CREB3L2: variants seen among roughly 807,000 people sequenced by gnomAD.
CREB3L2 encodes the protein cAMP responsive element binding protein 3 like 2.
Under a neutral mutation model 57.2 loss-of-function variants are expected in CREB3L2, and 23 were observed. The ratio of observed to expected loss-of-function variants is 0.40; its 90% CI spans 0.29 to 0.57. The LOEUF (loss-of-function observed/expected upper bound fraction) is 0.57, where lower values mean the gene tolerates loss of function less well. Ranked by LOEUF, CREB3L2 falls within the 20% of genes least tolerant of loss-of-function variation. CREB3L2 has a pLI of 0.42. For synonymous variants in CREB3L2, 268 were observed against 265.1 expected, an observed-to-expected ratio of 1.01 and a Z score of -0.11; for missense variants, 628 against 634.7, an observed-to-expected ratio of 0.99 and a Z score of 0.11.
At chr7:137,892,979 T>C (rs2060569688) in intron 8 of CREB3L2, among the ~76,000 whole-genome samples, 1 of 152,192 alleles carries the variant, frequency 6.6e-6, no homozygotes, top group Non-Finnish European at 1.5e-5. Flanking sequence ...AAGACAACCA[T>C]ATCAGCTCAA....
chr7:137,964,085 C>T (rs1258337093), intron 1 of CREB3L2, among the ~76,000 whole-genome samples: 1 of 152,120 alleles, frequency 6.6e-6, no homozygotes, highest in Non-Finnish European at 1.5e-5. Flanking sequence ...GAGGTCGTGG[C>T]GGGCGGATCA....
In CREB3L2 at chr7:137,953,310, T is replaced by C. The variant is rs12671686; in HGVS notation, c.103-24944A>G. 9.1e-5 allele frequency: 36 copies of C among 393,786 alleles called. No homozygotes were observed. The East Asian group carries it at 1.1e-3, about 12-fold the overall frequency. The allele number at this position is 393,786 out of a possible 1,614,324, so 24.4% of individuals were successfully genotyped here. ...GTTTCACTGAAAACCTGCTTACCGC[T>C]TAGTTGATTAACTGCTACTCCACAT... On this transcript the variant is annotated intron_variant, in intron 1 of 11. Coordinates refer to ENST00000330387, the MANE Select transcript of CREB3L2 (RefSeq NM_194071.4).
intron 1 of CREB3L2, chr7:137,957,724 C>A (rs1801243742): frequency 3.1e-6 from 4 of 1,277,040 alleles, no homozygotes; most frequent in Non-Finnish European, 4.1e-6. Flanking sequence ...ACAGGCTTCA[C>A]AAGTTTTCTT....
In CREB3L2 at chr7:138,001,687, C is replaced by G. The variant is rs1169393605; in HGVS notation, c.19G>C (p.Gly7Arg). 1.7e-5 allele frequency: 27 copies of G among 1,611,700 alleles called. No homozygotes were observed. Among genetic ancestry groups the G allele is most frequent in the Non-Finnish European group, 2.2e-5 (26 of 1,179,658 alleles). Residue 7 changes from glycine to arginine, a missense_variant, in exon 1 of 12, where the codon GGG becomes CGG. Gly to Arg is a moderately radical substitution (Grantham distance 125). Around this residue, in one of 3 missense-constraint regions of CREB3L2, gnomAD observed 339 missense variants for 355.4 expected, o/e 0.95. Coordinates refer to ENST00000330387, the MANE Select transcript of CREB3L2 (RefSeq NM_194071.4). This position sits in a 1 kb window ranked among gnomAD's most constrained non-coding sequence, Gnocchi z 4.2. MEVLES[G>R]EQGVLQWDRK... ...TCCCACTGCAGCACGCCCTGCTCCC[C>G]GCTCTCCAGCACCTCCATGGCGGTG...
intron 2 of CREB3L2, among the ~76,000 whole-genome samples, chr7:137,922,382 A>ATATGTATG (rs1339365374): frequency 3.9e-5 from 4 of 102,790 alleles, no homozygotes; most frequent in African/African-American, 3.1e-4. Context: ...ATATATATAT[A>ATATGTATG]TGTATATATA....
At chr7:137,883,047 T>C (rs914854762) in intron 10 of CREB3L2, among the ~76,000 whole-genome samples, 1 of 152,116 alleles carries the variant, frequency 6.6e-6, no homozygotes, top group Non-Finnish European at 1.5e-5. Flanking sequence ...GTACAGGGCA[T>C]CTCATTTAGA....
intron 1 of CREB3L2, among the ~76,000 whole-genome samples, chr7:137,943,654 A>G (rs917917596): frequency 1.1e-4 from 16 of 152,214 alleles, no homozygotes; most frequent in African/African-American, 3.9e-4. Context: ...ATTCAGGGCC[A>G]TAGTTTCATG....
chr7:137,905,613 A>T, intron 6 of CREB3L2, 89 bp downstream of exon 6: 1 of 1,351,932 alleles, frequency 7.4e-7, no homozygotes, highest in Non-Finnish European at 1.1e-6. Context: ...GGGATGGGGT[A>T]GTGCTGGCCG....
chr7:137,977,886 A>C (rs941767155), intron 1 of CREB3L2, among the ~76,000 whole-genome samples: 1 of 151,136 alleles, frequency 6.6e-6, no homozygotes, highest in Non-Finnish European at 1.5e-5. Flanking sequence ...ATGCCACTGC[A>C]CTCCAGCCTG....
chr7:137,897,333 G>C (rs1385748760), intron 8 of CREB3L2, among the ~76,000 whole-genome samples: 1 of 152,184 alleles, frequency 6.6e-6, no homozygotes, highest in Non-Finnish European at 1.5e-5. Flanking sequence ...ACAGCAGACT[G>C]TCAGGGAAGG....
intron 1 of CREB3L2, chr7:137,955,347 C>A: frequency 7.8e-7 from 1 of 1,284,860 alleles, no homozygotes; most frequent in South Asian, 1.2e-5. Flanking sequence ...GTAAGCACCA[C>A]AGGATGGGGG....
intron 8 of CREB3L2, among the ~76,000 whole-genome samples, chr7:137,893,123 C>T (rs575502649): frequency 6.6e-6 from 1 of 151,814 alleles, no homozygotes; most frequent in Non-Finnish European, 1.5e-5. Context: ...GTGTTAATTG[C>T]TACATTACAA....
rs1563262243 is a variant in CREB3L2, at chr7:137,946,842, ATCTATATAGTTATC to A, written c.103-18490_103-18477del. 7.4e-4 allele frequency among the ~76,000 whole-genome samples: 38 copies of A among 51,448 alleles called. 4 individuals are homozygous for A. Among genetic ancestry groups the A allele is most frequent in the African/African-American group, 2.5e-3 (32 of 12,768 alleles). The allele number at this position is 51,448 out of a possible 152,430, so 33.8% of individuals were successfully genotyped here. ...TCTATATAGTTATCTATATATAGTT[ATCTATATAGTTATC>A]TATATAGTTATATATATAGTTATCT... On this transcript the variant is annotated intron_variant, in intron 1 of 11. Transcript: ENST00000330387.
At position 137,882,441 on chromosome 7, in the gene CREB3L2, C is replaced by T. The variant is rs202115793; in HGVS notation, c.1458G>A (p.Lys486=). Reference sequence around the variant, plus strand: ...GCTGCTGCAGCTCCAAAAGCACTGACTTCTCCAGGCTGGTCTCATTCGAGA... The same window carrying T: ...GCTGCTGCAGCTCCAAAAGCACTGATTTCTCCAGGCTGGTCTCATTCGAGA... The part of the protein sequence containing the change: ...FIISNETSLE[K]SVLLELQQHL... Residue 486 remains lysine (K), a synonymous_variant, in exon 11 of 12, where the codon AAG becomes AAA. Coordinates refer to ENST00000330387, the MANE Select transcript of CREB3L2 (RefSeq NM_194071.4). The T allele has an allele frequency of 1.6e-5, 26 of 1,613,780 alleles. No individual in the cohort carries two copies. The highest frequency in any genetic ancestry group is 3.3e-4 in the Middle Eastern group (2 of 6,080).
At chr7:137,935,596 T>C (rs901569362) in intron 1 of CREB3L2, among the ~76,000 whole-genome samples, 12 of 152,200 alleles carry the variant, frequency 7.9e-5, no homozygotes, top group African/African-American at 2.9e-4. Context: ...GGCCCAGATG[T>C]AAACCGTTTA....
chr7:137,954,886 A>G (rs1422346636), intron 1 of CREB3L2, among the ~76,000 whole-genome samples: 1 of 152,146 alleles, frequency 6.6e-6, no homozygotes, highest in Admixed American at 6.5e-5. Context: ...TAGAAAGAAG[A>G]CTACAAACGT....
rs532983437 is a variant in CREB3L2, at chr7:137,887,687, C to A, written c.1044-2185G>T. 8.6e-5 allele frequency among the ~76,000 whole-genome samples: 13 copies of A among 151,360 alleles called. No individual in the cohort carries two copies. In the South Asian group the frequency reaches 2.7e-3, roughly 32 times the overall value. On this transcript the variant is annotated intron_variant, in intron 8 of 11. Coordinates refer to ENST00000330387, the MANE Select transcript of CREB3L2 (RefSeq NM_194071.4). ...TTGCACCATTGCACTCCAGCCCAGG[C>A]AACAGTGCGAGATTCCGTCTCAAAG...
intron 1 of CREB3L2, among the ~76,000 whole-genome samples, chr7:137,991,207 A>C (rs1302395301): frequency 2.6e-5 from 4 of 151,026 alleles, no homozygotes; most frequent in African/African-American, 9.8e-5. Context: ...TCCGTCACCC[A>C]GGCTGGAGTG....
At chr7:137,913,323 T>C (rs1331206546) in intron 3 of CREB3L2, among the ~76,000 whole-genome samples, 1 of 151,914 alleles carries the variant, frequency 6.6e-6, no homozygotes, top group Non-Finnish European at 1.5e-5. Flanking sequence ...CTGGGTAACA[T>C]AGTGAGACAA....
Sources: gnomAD v4.1 joint callset for allele counts (sites outside exome capture counted in the v4.1 genomes callset) on GRCh38, gnomAD v4.1.1 for gene constraint, gnomAD v4.1.1 regional missense constraint, Gnocchi (gnomAD v3.1) non-coding constraint, MANE v1.5 for transcripts, NCBI Gene and HGNC (gene_info 2026-07-23, HGNC 2026-07-21) for gene names.